The following DSCAM variants were observed in gnomAD, a reference collection of about 807,000 sequenced individuals.
DSCAM encodes the protein cell adhesion molecule DSCAM.
DSCAM carries 47 observed loss-of-function variants against 217.7 expected under a neutral mutation model. The observed-to-expected ratio is 0.22, with a 90% CI of 0.17 to 0.28. The LOEUF (loss-of-function observed/expected upper bound fraction) is 0.28. Among genes scored for constraint, DSCAM ranks in the 10% least tolerant of loss-of-function variants. The probability of loss-of-function intolerance (pLI) is 1.00; values close to 1 mark genes in which losing one functional copy is unlikely to be tolerated. For synonymous variants in DSCAM, 1,056 were observed against 1,015.3 expected (o/e 1.04, Z -0.76); for missense variants, 2,080 against 2,618.3 (o/e 0.79, Z 4.49).
chr21:40,064,749 A>G (rs537393174), intron 27 of DSCAM, among the ~76,000 whole-genome samples: 1 of 152,330 alleles, frequency 6.6e-6, no homozygotes, highest in East Asian at 1.9e-4. Flanking sequence ...GTCTAGGTCA[A>G]TTTGACTGGA....
At chr21:40,591,777 C>T (rs769881046) in intron 3 of DSCAM, among the ~76,000 whole-genome samples, 4 of 152,144 alleles carry the variant, frequency 2.6e-5, no homozygotes, top group Non-Finnish European at 5.9e-5. Context: ...GCCAAGTATA[C>T]GTTGGCAATA....
chr21:40,497,504 G>A (rs13048979), intron 3 of DSCAM, among the ~76,000 whole-genome samples: 2,073 of 152,120 alleles, frequency 0.014, 26 homozygotes, highest in Non-Finnish European at 0.022. Context: ...GGTCAAAGAC[G>A]ACAAAATTTC....
chr21:40,706,415 C>A (rs970535313), intron 2 of DSCAM, among the ~76,000 whole-genome samples: 1 of 152,090 alleles, frequency 6.6e-6, no homozygotes, highest in African/African-American at 2.4e-5. Flanking sequence ...ATTAATGAGA[C>A]ATGATGAGTA....
At chr21:40,649,492 T>C (rs867166590) in intron 3 of DSCAM, among the ~76,000 whole-genome samples, 1 of 152,226 alleles carries the variant, frequency 6.6e-6, no homozygotes, top group Non-Finnish European at 1.5e-5. Flanking sequence ...ATATATATAC[T>C]TTAGCAACAC....
intron 21 of DSCAM, among the ~76,000 whole-genome samples, chr21:40,089,943 T>C (rs758961995): frequency 2.0e-5 from 3 of 152,204 alleles, no homozygotes; most frequent in Non-Finnish European, 4.4e-5. Flanking sequence ...TCAATTGAAC[T>C]GTCAGCACTC....
intron 11 of DSCAM, among the ~76,000 whole-genome samples, chr21:40,236,903 C>T (rs964010920): frequency 6.6e-6 from 1 of 152,148 alleles, no homozygotes; most frequent in Non-Finnish European, 1.5e-5. Flanking sequence ...AAGCCATGGA[C>T]AGCTTTATTA....
chr21:40,044,109 G>A lies in DSCAM; in HGVS notation c.5352C>T (p.Asp1784=), dbSNP rs773290598. The A allele has an allele frequency of 1.9e-6, 3 of 1,614,016 alleles. No homozygotes were observed. Among genetic ancestry groups the A allele is most frequent in the East Asian group, 2.2e-5 (1 of 44,870 alleles). ...CTTGCGAGGGGCTGACGCTGTAACT[G>A]TCGCTCTCTTTGTCTACTGATCCTG... is the stretch of plus-strand genomic sequence containing the variant. ...RAAGSVDKES[D]SYSVSPSQDT... Residue 1784 remains aspartate, a synonymous_variant, in exon 31 of 33, where the codon GAC becomes GAT. Transcript: ENST00000400454.
intron 1 of DSCAM, among the ~76,000 whole-genome samples, chr21:40,790,557 G>A (rs967549377): frequency 6.6e-5 from 10 of 152,140 alleles, no homozygotes; most frequent in Non-Finnish European, 1.3e-4. Context: ...TCATGGGCTT[G>A]AAATTTAAAG....
intron 3 of DSCAM, among the ~76,000 whole-genome samples, chr21:40,495,688 G>A (rs1051481795): frequency 2.0e-5 from 3 of 151,614 alleles, no homozygotes; most frequent in Non-Finnish European, 4.4e-5. Context: ...GGAGAAATTA[G>A]GAAAAAGAAA....
intron 3 of DSCAM, among the ~76,000 whole-genome samples, chr21:40,608,591 G>T (rs865930557): frequency 6.6e-6 from 1 of 152,122 alleles, no homozygotes; most frequent in African/African-American, 2.4e-5. Context: ...GCTTGTATGC[G>T]TTGTATTCTT....
At position 40,013,661 on chromosome 21, in the gene DSCAM, A is replaced by C. The variant is rs114539429; in HGVS notation, c.5687-275T>G. ...AGAAATGGAGGAATGGAGGTAACAGAATCCTTCAACACACCATCGTTGAAA... is the reference window on the plus strand; with the variant it reads ...AGAAATGGAGGAATGGAGGTAACAGCATCCTTCAACACACCATCGTTGAAA... On this transcript the variant is annotated intron_variant, in intron 32 of 32. Transcript: ENST00000400454. Among the ~76,000 whole-genome samples, 701 of 152,284 alleles carry C rather than the reference A, an allele frequency of 4.6e-3. 4 individuals carry two copies. Among genetic ancestry groups the C allele is most frequent in the African/African-American group, 0.015 (608 of 41,548 alleles).
At chr21:40,574,253 T>C (rs2076831447) in intron 3 of DSCAM, among the ~76,000 whole-genome samples, 1 of 152,178 alleles carries the variant, frequency 6.6e-6, no homozygotes, top group Admixed American at 6.5e-5. Flanking sequence ...TTGGATGCTA[T>C]AAACTTAAAA....
At chr21:40,472,324 G>T (rs2075895896) in intron 3 of DSCAM, among the ~76,000 whole-genome samples, 1 of 152,188 alleles carries the variant, frequency 6.6e-6, no homozygotes, top group South Asian at 2.1e-4. Flanking sequence ...AAGAAGATGG[G>T]TGTACATTAC....
chr21:40,644,817 C>T (rs2089925031), intron 3 of DSCAM, among the ~76,000 whole-genome samples: 1 of 152,074 alleles, frequency 6.6e-6, no homozygotes, highest in African/African-American at 2.4e-5. Context: ...GCTCAATGCA[C>T]CAAGAACCTG....
At chr21:40,692,711 A>C in intron 3 of DSCAM, 99 bp downstream of exon 3, 1 of 1,393,928 alleles carries the variant, frequency 7.2e-7, no homozygotes. Flanking sequence ...CTAATTCTGA[A>C]TTATGATGAA....
intron 3 of DSCAM, among the ~76,000 whole-genome samples, chr21:40,575,917 C>A (rs183769482): frequency 2.9e-3 from 448 of 152,230 alleles, no homozygotes; most frequent in Non-Finnish European, 5.2e-3. Flanking sequence ...TAGATAAAGA[C>A]AAATTTAAAC....
chr21:40,238,015 G>A (rs965050503), intron 11 of DSCAM, among the ~76,000 whole-genome samples: 1 of 152,220 alleles, frequency 6.6e-6, no homozygotes, highest in Non-Finnish European at 1.5e-5. Context: ...TGGGGAGGGG[G>A]TGTATAGTTT....
intron 27 of DSCAM, among the ~76,000 whole-genome samples, chr21:40,070,359 A>G (rs986848452): frequency 9.0e-5 from 8 of 89,170 alleles, no homozygotes; most frequent in East Asian, 1.2e-3. Context: ...GAGGGAGGGA[A>G]GGAGGGAGGG....
rs924400086 is a variant in DSCAM, at chr21:40,147,344, C to T, written c.3019-2613G>A. On this transcript the variant is annotated intron_variant, in intron 16 of 32. Coordinates refer to ENST00000400454, the MANE Select transcript of DSCAM (RefSeq NM_001389.5). ...TAATCCTGCCTGTGATCTGTTTGTA[C>T]AGGTAGAAAGGAGAAATCTTCCCTT... 2.0e-5 allele frequency among the ~76,000 whole-genome samples: 3 copies of T among 152,364 alleles called. No homozygotes were observed. The South Asian group carries it at 6.2e-4, about 32-fold the overall frequency.
Sources: allele counts gnomAD v4.1 joint callset (sites outside exome capture counted in the v4.1 genomes callset), GRCh38; gene constraint gnomAD v4.1.1; transcripts MANE v1.5; gene names NCBI Gene and HGNC (gene_info 2026-07-23, HGNC 2026-07-21).